The following TBXAS1 variants were observed in gnomAD, a reference collection of about 807,000 sequenced individuals.
TBXAS1 encodes thromboxane-A synthase.
TBXAS1 carries 48 observed loss-of-function variants against 60.7 expected under a neutral mutation model. The ratio of observed to expected loss-of-function variants is 0.79; its 90% CI spans 0.63 to 1.01. The LOEUF (loss-of-function observed/expected upper bound fraction) is 1.01. Ranked by LOEUF, TBXAS1 falls within the 50% of genes least tolerant of loss-of-function variation. TBXAS1 has a pLI of 0.00. For synonymous variants in TBXAS1, 287 were observed against 269.7 expected (o/e 1.06, Z -0.63); for missense variants, 685 against 686.3 (o/e 1.00, Z 0.02).
intron 1 of TBXAS1, among the ~76,000 whole-genome samples, chr7:139,837,797 C>G (rs933303214): frequency 6.6e-6 from 1 of 152,088 alleles, no homozygotes; most frequent in African/African-American, 2.4e-5. Context: ...ACCTGTGCCC[C>G]AACAACTTAT....
intron 10 of TBXAS1, among the ~76,000 whole-genome samples, chr7:140,010,809 G>A (rs958862109): frequency 2.9e-4 from 44 of 152,126 alleles, no homozygotes; most frequent in Admixed American, 2.4e-3. Context: ...AATCTCTTAC[G>A]GGCAGGAACA....
intron 9 of TBXAS1, among the ~76,000 whole-genome samples, chr7:139,982,869 T>G (rs1370682008): frequency 6.6e-6 from 1 of 152,058 alleles, no homozygotes; most frequent in Non-Finnish European, 1.5e-5. Flanking sequence ...CCAGGAAAAT[T>G]TTTGCTCATT....
At chr7:139,850,430 T>G (rs1465715663) in intron 1 of TBXAS1, among the ~76,000 whole-genome samples, 2 of 152,232 alleles carry the variant, frequency 1.3e-5, no homozygotes, top group African/African-American at 4.8e-5. Context: ...GGTCAGTTTC[T>G]CTCCATCTCA....
In TBXAS1 at chr7:139,981,744, A is replaced by G. The variant is rs180696759; in HGVS notation, c.1134+19511A>G. On this transcript the variant is annotated intron_variant, in intron 9 of 12. Coordinates refer to ENST00000448866, the MANE Select transcript of TBXAS1 (RefSeq NM_001061.7). The stretch of plus-strand genomic sequence containing the variant: ...GGGATTGTTCTTGAGGATTCCAGAC[A>G]GACCATAAGTAATTCATTGAGTCGC... 1.8e-3 allele frequency among the ~76,000 whole-genome samples: 275 copies of G among 152,356 alleles called. 1 individual carries two copies. Among genetic ancestry groups the G allele is most frequent in the Admixed American group, 5.5e-3 (84 of 15,310 alleles).
At chr7:139,991,540 A>T (rs566771964) in intron 9 of TBXAS1, among the ~76,000 whole-genome samples, 1 of 152,356 alleles carries the variant, frequency 6.6e-6, no homozygotes, top group East Asian at 1.9e-4. Flanking sequence ...ACATCAAGGG[A>T]GGCACGCAGG....
chr7:139,993,673 TTGTGGTTAAACCCTTC>T (rs928173421), intron 9 of TBXAS1, among the ~76,000 whole-genome samples: 13 of 152,110 alleles, frequency 8.5e-5, no homozygotes, highest in East Asian at 7.7e-4. Context: ...CTCCTGGATT[TTGTGGTTAAACCCTTC>T]TGTCTCCAAT....
chr7:139,984,868 GAGAAAGAAAGAAA>G (rs1247664418), intron 9 of TBXAS1, among the ~76,000 whole-genome samples: 1 of 132,694 alleles, frequency 7.5e-6, no homozygotes, highest in Admixed American at 7.7e-5. Context: ...AAAGAAGAAA[GAGAAAGAAAGAAA>G]AGAAAGAAAG....
chr7:140,017,882 C>A (rs1585069447), intron 12 of TBXAS1, 49 bp downstream of exon 12: 2 of 1,613,074 alleles, frequency 1.2e-6, no homozygotes. Context: ...GGTGGGAGGG[C>A]CACCCCAGTT....
intron 1 of TBXAS1, among the ~76,000 whole-genome samples, chr7:139,860,176 T>A (rs1305185869): frequency 6.6e-6 from 1 of 152,138 alleles, no homozygotes; most frequent in Non-Finnish European, 1.5e-5. Context: ...TATTCTTGGC[T>A]GTTTCAGTGG....
In TBXAS1 at chr7:139,975,849, C is replaced by A. The variant is rs892338367; in HGVS notation, c.1134+13616C>A. On this transcript the variant is annotated intron_variant, in intron 9 of 12. Transcript: ENST00000448866. The surrounding 1 kb of genome is among the most constrained non-coding windows in gnomAD (Gnocchi z 4.4). ...GATGAAGAGTGCATGGGCAGCTTCT[C>A]CCCTGACATCCCTACCTCCCTGACG... 6.6e-6 allele frequency among the ~76,000 whole-genome samples: 1 copy of A among 152,192 alleles called. No individual in the cohort carries two copies. The highest frequency in any genetic ancestry group is 2.4e-5 in the African/African-American group (1 of 41,442).
intron 10 of TBXAS1, among the ~76,000 whole-genome samples, chr7:140,008,122 C>A (rs1239682795): frequency 2.0e-5 from 3 of 152,208 alleles, no homozygotes; most frequent in Non-Finnish European, 4.4e-5. Context: ...TATGGAAATA[C>A]CTTTCACCAT....
intron 4 of TBXAS1, among the ~76,000 whole-genome samples, chr7:139,809,891 T>C (rs192389179): frequency 1.1e-3 from 162 of 152,232 alleles, no homozygotes; most frequent in African/African-American, 3.8e-3. Context: ...GAAAGAATGC[T>C]TCACCAGCTA....
chr7:139,824,829 C>CTTTTCTTTTTT (rs1401847052), upstream of TBXAS1, among the ~76,000 whole-genome samples: 45 of 38,858 alleles, frequency 1.2e-3, 1 homozygote, highest in African/African-American at 2.9e-3. Flanking sequence ...TTTTCCTTTT[C>CTTTTCTTTTTT]TTTTTTTTTT....
rs1032230253 is a variant in TBXAS1, at chr7:139,887,441, C to A, written c.236+11804C>A. 3.3e-5 allele frequency among the ~76,000 whole-genome samples: 5 copies of A among 152,128 alleles called. No individual in the cohort carries two copies. In the East Asian group the frequency reaches 7.7e-4, roughly 23 times the overall value. On this transcript the variant is annotated intron_variant, in intron 3 of 12. Coordinates refer to ENST00000448866, the MANE Select transcript of TBXAS1 (RefSeq NM_001061.7). Reference sequence around the variant, plus strand: ...CATTAACTCTCCCTTCCCTCCTCCCCCAGGCCCTGACAACCACCATTTTAC... The same window carrying A: ...CATTAACTCTCCCTTCCCTCCTCCCACAGGCCCTGACAACCACCATTTTAC...
At chr7:139,789,472 C>G (rs531807839) in intron 4 of TBXAS1, 1 of 151,992 alleles carries the variant, frequency 6.6e-6, no homozygotes, top group Non-Finnish European at 1.5e-5. Context: ...GTCTAGGACT[C>G]CTGGGCTCAA....
rs1030370937 is a variant in TBXAS1, at chr7:139,833,084, A to C, written c.89+3605A>C. Among the ~76,000 whole-genome samples, 11 of 152,138 alleles carry C rather than the reference A, an allele frequency of 7.2e-5. 1 individual carries two copies. Among genetic ancestry groups the C allele is most frequent in the African/African-American group, 2.7e-4 (11 of 41,424 alleles). On this transcript the variant is annotated intron_variant, in intron 1 of 12. Transcript: ENST00000448866. ...CAAAAGCAAAAAACAACAACAACAAAAAAAACCAAAGTACAGAGGCAACAA... is the reference window on the plus strand; with the variant it reads ...CAAAAGCAAAAAACAACAACAACAACAAAAACCAAAGTACAGAGGCAACAA...
chr7:139,863,117 G>C (rs898267738), intron 1 of TBXAS1, among the ~76,000 whole-genome samples: 1 of 152,178 alleles, frequency 6.6e-6, no homozygotes, highest in Non-Finnish European at 1.5e-5. Context: ...GCTTGTACAA[G>C]ACAGTATATA....
intron 9 of TBXAS1, among the ~76,000 whole-genome samples, chr7:139,967,708 C>T (rs1334742353): frequency 1.3e-5 from 2 of 152,244 alleles, no homozygotes; most frequent in African/African-American, 4.8e-5. Context: ...ACTGAGCTCT[C>T]GAGCGGAGGA....
chr7:139,951,800 AAAAAGAAACAAAG>A (rs869242411), intron 5 of TBXAS1, among the ~76,000 whole-genome samples: 1 of 8,324 alleles, frequency 1.2e-4, no homozygotes, highest in Non-Finnish European at 2.9e-4. Flanking sequence ...AGAAAGAAAG[AAAAAGAAACAAAG>A]AAGAAGGAAA....
Sources: gnomAD v4.1 joint callset for allele counts (sites outside exome capture counted in the v4.1 genomes callset) on GRCh38, gnomAD v4.1.1 for gene constraint, Gnocchi (gnomAD v3.1) non-coding constraint, MANE v1.5 for transcripts, NCBI Gene and HGNC (gene_info 2026-07-23, HGNC 2026-07-21) for gene names.